Variants in TMEM132D observed in about 807,000 individuals in gnomAD.
The protein encoded by TMEM132D is mature OL transmembrane protein.
A neutral mutation model predicts 62.3 loss-of-function variants in TMEM132D; 21 were observed. That is an observed-to-expected ratio of 0.34 (90% CI 0.24 to 0.49). The LOEUF is 0.49. Among genes scored for constraint, TMEM132D ranks in the 20% least tolerant of loss-of-function variants. TMEM132D has a pLI of 0.99. For synonymous variants in TMEM132D, 621 were observed against 575.6 expected (o/e 1.08, Z -1.13); for missense variants, 1,346 against 1,402.8 (o/e 0.96, Z 0.65).
chr12:129,175,608 T>C (rs1351250630), intron 5 of TMEM132D, among the ~76,000 whole-genome samples: 1 of 152,158 alleles, frequency 6.6e-6, no homozygotes, highest in Non-Finnish European at 1.5e-5. Flanking sequence ...CTTGGGAGGC[T>C]GACGCAAGAG....
chr12:129,220,081 G>A (rs1366988744), intron 4 of TMEM132D, among the ~76,000 whole-genome samples: 4 of 152,108 alleles, frequency 2.6e-5, no homozygotes, highest in African/African-American at 9.7e-5. Context: ...TATTGTATCA[G>A]TCAGGGATGT....
intron 1 of TMEM132D, among the ~76,000 whole-genome samples, chr12:129,806,722 T>A (rs1565992762): frequency 6.6e-6 from 1 of 151,520 alleles, no homozygotes; most frequent in Non-Finnish European, 1.5e-5. Flanking sequence ...AAATAAAAAA[T>A]AAAAAAATAA....
intron 1 of TMEM132D, among the ~76,000 whole-genome samples, chr12:129,806,655 G>A (rs1871993054): frequency 6.6e-6 from 1 of 151,332 alleles, no homozygotes; most frequent in African/African-American, 2.4e-5. Flanking sequence ...TAACTAACCT[G>A]CACAATGTGC....
rs543579636 is a variant in TMEM132D, at chr12:129,852,672, G to T, written c.79+50589C>A. 6 of 152,380 alleles carry T rather than the reference G, an allele frequency of 3.9e-5. No homozygotes were observed. In the South Asian group the frequency reaches 6.2e-4, roughly 16 times the overall value. The allele number at this position is 152,380 out of a possible 1,614,324, so 9.4% of individuals were successfully genotyped here. ...AGATTCCCATGGCAGTCAGATCAGG[G>T]GTGATCTCTGGAGATGGGGAAGGAG... On this transcript the variant is annotated intron_variant, in intron 1 of 8. Transcript: ENST00000422113.
At chr12:129,694,746 C>G (rs552366307) in intron 2 of TMEM132D, among the ~76,000 whole-genome samples, 2 of 152,190 alleles carry the variant, frequency 1.3e-5, no homozygotes, top group Non-Finnish European at 2.9e-5. Context: ...CAGTGGCTCA[C>G]GCCTGTAATC....
At chr12:129,880,211 T>C (rs1874547317) in intron 1 of TMEM132D, among the ~76,000 whole-genome samples, 2 of 152,148 alleles carry the variant, frequency 1.3e-5, no homozygotes, top group Non-Finnish European at 2.9e-5. Context: ...AATGAAGAGA[T>C]ATCATTAAAG....
intron 1 of TMEM132D, among the ~76,000 whole-genome samples, chr12:129,810,811 C>A (rs548846273): frequency 2.0e-5 from 3 of 152,050 alleles, no homozygotes; most frequent in Admixed American, 6.6e-5. Flanking sequence ...TCCAAAAAAT[C>A]GAGTTGAGGA....
chr12:129,851,170 A>G (rs1873528561), intron 1 of TMEM132D, among the ~76,000 whole-genome samples: 1 of 152,234 alleles, frequency 6.6e-6, no homozygotes, highest in South Asian at 2.1e-4. Flanking sequence ...TCCATAGGGA[A>G]AACTGACTTC....
intron 2 of TMEM132D, among the ~76,000 whole-genome samples, chr12:129,539,200 T>G (rs1371952580): frequency 6.6e-6 from 1 of 151,468 alleles, no homozygotes; most frequent in Non-Finnish European, 1.5e-5. Flanking sequence ...CAGAATGGCA[T>G]GCAATTTAAA....
chr12:129,747,404 ACACACACACATTCT>A (rs1869831639), intron 1 of TMEM132D, among the ~76,000 whole-genome samples: 1 of 151,702 alleles, frequency 6.6e-6, no homozygotes, highest in Middle Eastern at 3.4e-3. Context: ...ACACACTCAG[ACACACACACATTCT>A]CACACACACA....
At chr12:129,323,632 C>G (rs1868793938) in intron 4 of TMEM132D, among the ~76,000 whole-genome samples, 4 of 152,160 alleles carry the variant, frequency 2.6e-5, no homozygotes, top group African/African-American at 9.7e-5. Context: ...AAAAAAAATA[C>G]ATTTCAAAGC....
intron 2 of TMEM132D, among the ~76,000 whole-genome samples, chr12:129,690,117 T>C (rs1440867517): frequency 6.6e-6 from 1 of 152,196 alleles, no homozygotes; most frequent in Non-Finnish European, 1.5e-5. Flanking sequence ...AAGTTACCTG[T>C]GCTACATGGG....
intron 5 of TMEM132D, among the ~76,000 whole-genome samples, chr12:129,092,144 A>T (rs1006539015): frequency 6.6e-6 from 1 of 152,144 alleles, no homozygotes; most frequent in African/African-American, 2.4e-5. Flanking sequence ...CGTTATAGGG[A>T]TATAGTTAAT....
intron 5 of TMEM132D, among the ~76,000 whole-genome samples, chr12:129,099,276 T>G (rs921392295): frequency 3.3e-5 from 5 of 152,198 alleles, no homozygotes; most frequent in Non-Finnish European, 7.3e-5. Flanking sequence ...GGGTAACAAC[T>G]CTGTGATTTT....
intron 3 of TMEM132D, among the ~76,000 whole-genome samples, chr12:129,511,747 G>T (rs1421647287): frequency 6.6e-6 from 1 of 151,996 alleles, no homozygotes; most frequent in Non-Finnish European, 1.5e-5. Flanking sequence ...ATTTCCTCCT[G>T]GGCTGCAAAA....
At chr12:129,329,033 A>AATATATATATAT (rs201004813) in intron 4 of TMEM132D, among the ~76,000 whole-genome samples, 6 of 147,576 alleles carry the variant, frequency 4.1e-5, no homozygotes, top group African/African-American at 1.5e-4. Flanking sequence ...ATATGTAAAG[A>AATATATATATAT]ATATATATAT....
intron 2 of TMEM132D, among the ~76,000 whole-genome samples, chr12:129,663,139 T>A (rs555683442): frequency 2.2e-5 from 3 of 139,010 alleles, no homozygotes; most frequent in Admixed American, 1.4e-4. Context: ...ACGTCTGCCC[T>A]TTTTTTTTTT....
At chr12:129,568,630 CAAAGTGTTT>C (rs1877431673) in intron 2 of TMEM132D, among the ~76,000 whole-genome samples, 1 of 152,166 alleles carries the variant, frequency 6.6e-6, no homozygotes, top group African/African-American at 2.4e-5. Context: ...GTTTCTGAAA[CAAAGTGTTT>C]AAAGTCCTTG....
At chr12:129,897,252 T>C (rs906489537) in intron 1 of TMEM132D, among the ~76,000 whole-genome samples, 1 of 152,242 alleles carries the variant, frequency 6.6e-6, no homozygotes, top group African/African-American at 2.4e-5. Flanking sequence ...TCAAGTGTGC[T>C]GTCTGGCGTC....
Sources: gnomAD v4.1 joint callset for allele counts (sites outside exome capture counted in the v4.1 genomes callset) on GRCh38, gnomAD v4.1.1 for gene constraint, MANE v1.5 for transcripts, NCBI Gene and HGNC (gene_info 2026-07-23, HGNC 2026-07-21) for gene names.